Variants in CA10 observed in about 807,000 individuals in gnomAD.
CA10 encodes carbonic anhydrase-related protein 10.
In CA10, 14 loss-of-function variants were observed where a neutral mutation model predicts 44.2. The ratio of observed to expected loss-of-function variants is 0.32; its 90% CI spans 0.21 to 0.50. The LOEUF (loss-of-function observed/expected upper bound fraction) is 0.50. Among genes scored for constraint, CA10 ranks in the 20% least tolerant of loss-of-function variants. The pLI, the probability that CA10 is intolerant of heterozygous loss-of-function variation, is 0.99. For synonymous variants in CA10, 159 were observed against 141.6 expected (o/e 1.12, Z -0.87); for missense variants, 350 against 409.7 (o/e 0.85, Z 1.26).
chr17:52,124,597 G>A (rs1424454404), intron 1 of CA10, among the ~76,000 whole-genome samples: 6 of 152,140 alleles, frequency 3.9e-5, no homozygotes, highest in Non-Finnish European at 8.8e-5. Context: ...TTCATAATTT[G>A]GCTTGTCTGA....
intron 2 of CA10, among the ~76,000 whole-genome samples, chr17:52,043,812 T>C (rs1426573630): frequency 6.6e-6 from 1 of 152,156 alleles, no homozygotes; most frequent in Non-Finnish European, 1.5e-5. Flanking sequence ...ATTGAGATAA[T>C]CATATATTTT....
At chr17:51,887,906 A>G (rs1598101281) in intron 3 of CA10, among the ~76,000 whole-genome samples, 2 of 152,062 alleles carry the variant, frequency 1.3e-5, no homozygotes, top group East Asian at 1.9e-4. Flanking sequence ...GGTGCCTGTA[A>G]TCCCAGCTAC....
intron 2 of CA10, among the ~76,000 whole-genome samples, chr17:52,007,257 T>C (rs546602090): frequency 6.6e-6 from 1 of 151,786 alleles, no homozygotes; most frequent in Non-Finnish European, 1.5e-5. Flanking sequence ...CTCTTTTCTT[T>C]CCAGTAACAA....
At chr17:52,020,952 T>C (rs1471742261) in intron 2 of CA10, among the ~76,000 whole-genome samples, 2 of 152,070 alleles carry the variant, frequency 1.3e-5, no homozygotes, top group Non-Finnish European at 2.9e-5. Flanking sequence ...GCCTCCAGCA[T>C]CACTCATTGT....
At chr17:52,136,142 G>A (rs562661672) in intron 1 of CA10, among the ~76,000 whole-genome samples, 11 of 152,164 alleles carry the variant, frequency 7.2e-5, no homozygotes, top group Non-Finnish European at 1.3e-4. Flanking sequence ...AGAAAAAGAC[G>A]AGGCTGGCAG....
chr17:52,048,044 T>TAAAAAA (rs5820901), intron 2 of CA10, among the ~76,000 whole-genome samples: 2 of 149,418 alleles, frequency 1.3e-5, no homozygotes. Context: ...CCACAAAAAT[T>TAAAAAA]AAAAAAAAAA....
intron 1 of CA10, among the ~76,000 whole-genome samples, chr17:52,130,469 C>A (rs1025323896): frequency 5.3e-5 from 8 of 152,094 alleles, no homozygotes; most frequent in Non-Finnish European, 1.0e-4. Flanking sequence ...ACTATCCAGC[C>A]TTAAAATAGA....
chr17:51,831,022 A>C (rs1165339838), intron 3 of CA10, among the ~76,000 whole-genome samples: 4 of 152,196 alleles, frequency 2.6e-5, no homozygotes, highest in Non-Finnish European at 5.9e-5. Flanking sequence ...ACTTGGATTC[A>C]TGAGTGAGCA....
At chr17:51,911,314 T>C (rs1301817648) in intron 3 of CA10, among the ~76,000 whole-genome samples, 3 of 152,134 alleles carry the variant, frequency 2.0e-5, no homozygotes, top group Admixed American at 2.0e-4. Context: ...ATAGCGTTAT[T>C]GCGGCAATAA....
At chr17:51,878,238 T>C (rs1295110170) in intron 3 of CA10, among the ~76,000 whole-genome samples, 1 of 150,368 alleles carries the variant, frequency 6.7e-6, no homozygotes, top group African/African-American at 2.5e-5. Context: ...CTCCAGAAAG[T>C]TGGGAATTCT....
chr17:51,706,840 A>G (rs1353320089), intron 4 of CA10, among the ~76,000 whole-genome samples: 1 of 152,062 alleles, frequency 6.6e-6, no homozygotes, highest in Non-Finnish European at 1.5e-5. Flanking sequence ...CTACCTAGAA[A>G]CTTGCAAGCT....
intron 2 of CA10, among the ~76,000 whole-genome samples, chr17:51,945,727 G>A (rs2090119378): frequency 6.6e-6 from 1 of 152,112 alleles, no homozygotes; most frequent in Admixed American, 6.6e-5. Context: ...CTTGTCACCT[G>A]CCTTTTAAGC....
intron 2 of CA10, among the ~76,000 whole-genome samples, chr17:52,044,102 C>A (rs1038275924): frequency 6.6e-6 from 1 of 152,080 alleles, no homozygotes; most frequent in East Asian, 1.9e-4. Flanking sequence ...TCCTCTTCAA[C>A]TTTATCAAAG....
chr17:51,736,500 CT>C (rs1369295156), intron 4 of CA10, among the ~76,000 whole-genome samples: 1 of 152,298 alleles, frequency 6.6e-6, no homozygotes, highest in East Asian at 1.9e-4. Context: ...CTGGTGGCCC[CT>C]GGGCCTTCCC....
At chr17:51,639,908 A>G (rs1293675074) in intron 6 of CA10, among the ~76,000 whole-genome samples, 2 of 152,174 alleles carry the variant, frequency 1.3e-5, no homozygotes, top group African/African-American at 4.8e-5. Flanking sequence ...TGTTTGAGGA[A>G]TAAACAGGAT....
chr17:51,679,543 G>A (rs1000401203), intron 4 of CA10, among the ~76,000 whole-genome samples: 5 of 145,752 alleles, frequency 3.4e-5, no homozygotes, highest in Admixed American at 2.1e-4. Flanking sequence ...TTACAGGCAT[G>A]AGCCACCGTG....
At chr17:51,758,876 T>C (rs1042960413) in intron 3 of CA10, among the ~76,000 whole-genome samples, 6 of 152,166 alleles carry the variant, frequency 3.9e-5, no homozygotes, top group East Asian at 1.9e-4. Context: ...AAGAGGGTGG[T>C]GCCACATGCT....
At chr17:52,063,236 C>T (rs921089791) in intron 2 of CA10, among the ~76,000 whole-genome samples, 2 of 152,150 alleles carry the variant, frequency 1.3e-5, no homozygotes, top group African/African-American at 2.4e-5. Flanking sequence ...AGATGAATTG[C>T]TTTTGATTTC....
chr17:52,029,761 T>G (rs1315004104), intron 2 of CA10, among the ~76,000 whole-genome samples: 1 of 152,186 alleles, frequency 6.6e-6, no homozygotes, highest in African/African-American at 2.4e-5. Context: ...AAGAAGCATG[T>G]GAGCCATTGA....
Sources: gnomAD v4.1 joint callset for allele counts (sites outside exome capture counted in the v4.1 genomes callset) on GRCh38, gnomAD v4.1.1 for gene constraint, MANE v1.5 for transcripts, NCBI Gene and HGNC (gene_info 2026-07-23, HGNC 2026-07-21) for gene names.